Variants in CHODL observed in about 807,000 individuals in gnomAD.
The protein encoded by CHODL is transmembrane protein MT75.
Under a neutral mutation model 34.5 loss-of-function variants are expected in CHODL, and 29 were observed. That is an observed-to-expected ratio of 0.84 (90% CI 0.63 to 1.15). The LOEUF is 1.15. CHODL is among the 50% of genes most tolerant of loss of function. The pLI, the probability that CHODL is intolerant of heterozygous loss-of-function variation, is 0.00. For synonymous variants in CHODL, 125 were observed against 116.1 expected (o/e 1.08, Z -0.49); for missense variants, 332 against 332.5 (o/e 1.00, Z 0.01).
chr21:18,236,977 G>C (rs2074034159), intron 2 of CHODL, among the ~76,000 whole-genome samples: 1 of 152,036 alleles, frequency 6.6e-6, no homozygotes, highest in Admixed American at 6.6e-5. Flanking sequence ...ATAGGAGACT[G>C]GTGTGTCCAC....
At chr21:18,180,832 C>G (rs1184531571) in intron 2 of CHODL, among the ~76,000 whole-genome samples, 1 of 152,204 alleles carries the variant, frequency 6.6e-6, no homozygotes, top group Non-Finnish European at 1.5e-5. Flanking sequence ...CTGCTCTTTA[C>G]TAGGCTTATA....
chr21:18,003,351 G>T (rs577587790), intron 1 of CHODL, among the ~76,000 whole-genome samples: 1 of 150,138 alleles, frequency 6.7e-6, no homozygotes, highest in South Asian at 2.1e-4. Flanking sequence ...CACACTGGCA[G>T]ATTATAAGAC....
At chr21:18,188,630 A>T (rs1235860564) in intron 2 of CHODL, among the ~76,000 whole-genome samples, 1 of 152,210 alleles carries the variant, frequency 6.6e-6, no homozygotes, top group African/African-American at 2.4e-5. Flanking sequence ...AAATTGGGAT[A>T]TGTTGACGTT....
chr21:18,260,120 T>C, intron 3 of CHODL, 80 bp from the exon 4 acceptor site: 3 of 489,634 alleles, frequency 6.1e-6, no homozygotes, highest in Non-Finnish European at 9.4e-6. Context: ...TTTTATTTTA[T>C]AATATAATTT....
At chr21:18,159,230 G>A (rs185629621) in intron 2 of CHODL, among the ~76,000 whole-genome samples, 21 of 152,284 alleles carry the variant, frequency 1.4e-4, no homozygotes, top group African/African-American at 5.1e-4. Context: ...AGCACAAAAT[G>A]TCAATATCAT....
chr21:17,932,451 G>A (rs776958774), intron 1 of CHODL, among the ~76,000 whole-genome samples: 4 of 152,186 alleles, frequency 2.6e-5, no homozygotes, highest in Non-Finnish European at 4.4e-5. Flanking sequence ...CAATCCCACT[G>A]TTGAGTATCT....
chr21:18,257,228 G>C (rs2074329027), intron 3 of CHODL, 101 bp downstream of exon 3: 1 of 1,099,258 alleles, frequency 9.1e-7, no homozygotes, highest in South Asian at 1.7e-5. Context: ...TTGTTTTTCT[G>C]CTGTGAAATA....
rs551615997 is a variant in CHODL, at chr21:17,975,424, T to A, written c.-144-52448T>A. 1.7e-3 allele frequency among the ~76,000 whole-genome samples: 256 copies of A among 152,206 alleles called. 1 individual carries two copies. The highest frequency in any genetic ancestry group is 5.8e-3 in the African/African-American group (241 of 41,518). On this transcript the variant is annotated intron_variant, in intron 1 of 6. Coordinates refer to the CHODL transcript ENST00000400127. ...TCTATATAACAAACCTGCACATGTATCCCTGAGCCTAAAACAAAAATTTTT... is the reference window on the plus strand; with the variant it reads ...TCTATATAACAAACCTGCACATGTAACCCTGAGCCTAAAACAAAAATTTTT...
intron 1 of CHODL, among the ~76,000 whole-genome samples, chr21:17,932,739 C>T (rs1164130062): frequency 6.6e-6 from 1 of 152,188 alleles, no homozygotes; most frequent in Non-Finnish European, 1.5e-5. Context: ...CGTTGCCCCT[C>T]CACACCTGTG....
intron 2 of CHODL, among the ~76,000 whole-genome samples, chr21:18,063,705 T>C (rs2064696528): frequency 1.3e-5 from 2 of 152,220 alleles, no homozygotes; most frequent in African/African-American, 4.8e-5. Flanking sequence ...TTCAAAGAAT[T>C]CTTTTTTGTA....
At chr21:17,943,969 G>A (rs547749506) in intron 1 of CHODL, among the ~76,000 whole-genome samples, 11 of 152,214 alleles carry the variant, frequency 7.2e-5, no homozygotes, top group African/African-American at 2.4e-4. Context: ...GTAGCTCGGT[G>A]TTCCTGCCAA....
intron 2 of CHODL, among the ~76,000 whole-genome samples, chr21:18,088,034 T>C (rs2065028043): frequency 6.6e-6 from 1 of 152,112 alleles, no homozygotes; most frequent in African/African-American, 2.4e-5. Flanking sequence ...CCAGATCTTA[T>C]GAGAACTCAC....
At chr21:18,181,659 G>A (rs2073384125) in intron 2 of CHODL, among the ~76,000 whole-genome samples, 1 of 152,168 alleles carries the variant, frequency 6.6e-6, no homozygotes, top group Non-Finnish European at 1.5e-5. Flanking sequence ...CAAAGTGCTA[G>A]GATTACAGGC....
chr21:18,251,784 T>G (rs953546903), intron 1 of CHODL, among the ~76,000 whole-genome samples: 1 of 142,072 alleles, frequency 7.0e-6, no homozygotes, highest in Non-Finnish European at 1.5e-5. Context: ...ATTTATATAC[T>G]TTATATAAAG....
At chr21:18,008,318 G>A (rs1600888276) in intron 1 of CHODL, among the ~76,000 whole-genome samples, 2 of 149,252 alleles carry the variant, frequency 1.3e-5, no homozygotes, top group South Asian at 4.3e-4. Flanking sequence ...TTGTTTGTGT[G>A]TGTGTGTGTG....
intron 1 of CHODL, among the ~76,000 whole-genome samples, chr21:17,945,799 A>C (rs183319837): frequency 2.2e-4 from 34 of 152,362 alleles, no homozygotes; most frequent in Non-Finnish European, 2.2e-4. Flanking sequence ...TAAGACATCT[A>C]ATAATCAAAC....
intron 2 of CHODL, among the ~76,000 whole-genome samples, chr21:18,050,506 G>C (rs1458638276): frequency 6.6e-6 from 1 of 151,990 alleles, no homozygotes. Flanking sequence ...ACAGCAGATT[G>C]GACGAAGGTG....
chr21:18,074,883 T>C (rs1224572202), intron 2 of CHODL, among the ~76,000 whole-genome samples: 2 of 152,174 alleles, frequency 1.3e-5, no homozygotes, highest in East Asian at 3.9e-4. Flanking sequence ...AATGGGGAGT[T>C]GATACATTTG....
At chr21:18,073,574 T>C (rs1460713526) in intron 2 of CHODL, among the ~76,000 whole-genome samples, 3 of 152,098 alleles carry the variant, frequency 2.0e-5, no homozygotes, top group African/African-American at 4.8e-5. Context: ...ATTTCCACCT[T>C]ATCTTTTTAC....
Sources: gnomAD v4.1 joint callset for allele counts (sites outside exome capture counted in the v4.1 genomes callset) on GRCh38, gnomAD v4.1.1 for gene constraint, MANE v1.5 for transcripts, NCBI Gene and HGNC (gene_info 2026-07-23, HGNC 2026-07-21) for gene names.